The following NCKAP5 variants were observed in gnomAD, a reference collection of about 807,000 sequenced individuals.
NCKAP5 encodes the protein nck-associated protein 5.
Under a neutral mutation model 167.0 loss-of-function variants are expected in NCKAP5, and 92 were observed. The ratio of observed to expected loss-of-function variants is 0.55; its 90% CI spans 0.47 to 0.66. The LOEUF is 0.66. NCKAP5 is among the 30% of genes least tolerant of loss of function. The pLI is 0.00. For synonymous variants in NCKAP5, 891 were observed against 877.4 expected, an observed-to-expected ratio of 1.02 and a Z score of -0.27; for missense variants, 2,378 against 2,315.0, an observed-to-expected ratio of 1.03 and a Z score of -0.56.
chr2:133,625,751 G>A, the NCKAP5 span, among the ~76,000 whole-genome samples: 5 of 151,520 alleles, frequency 3.3e-5, no homozygotes, highest in African/African-American at 1.2e-4. Context: ...GGCACCTGTA[G>A]TCCCAGCTAC....
At chr2:132,889,741 C>G (rs1275428232) in intron 8 of NCKAP5, among the ~76,000 whole-genome samples, 1 of 152,162 alleles carries the variant, frequency 6.6e-6, no homozygotes. Context: ...AGGCTAGAAT[C>G]CTGGATGTAA....
intron 11 of NCKAP5, among the ~76,000 whole-genome samples, chr2:132,849,724 C>T (rs571099736): frequency 2.0e-5 from 3 of 152,282 alleles, no homozygotes; most frequent in East Asian, 3.9e-4. Context: ...TCTCAGCCTG[C>T]GTGGATCTTA....
At position 133,234,368 on chromosome 2, in the gene NCKAP5, A is replaced by C. The variant is rs138992421; in HGVS notation, c.144-20589T>G. On this transcript the variant is annotated intron_variant, in intron 4 of 19. Transcript: ENST00000409261. ...TGCGGGGCTCTTACATTTCTTTCCC[A>C]ATAAAACTCATAACCATTAAACAAA... Among the ~76,000 whole-genome samples, 837 of 152,310 alleles carry C rather than the reference A, an allele frequency of 5.5e-3. 9 individuals are homozygous for C. The highest frequency in any genetic ancestry group is 0.019 in the African/African-American group (789 of 41,560).
At chr2:133,141,262 C>T (rs1057450882) in intron 5 of NCKAP5, among the ~76,000 whole-genome samples, 3 of 152,104 alleles carry the variant, frequency 2.0e-5, no homozygotes, top group Non-Finnish European at 4.4e-5. Context: ...GATTCACTTT[C>T]GCTCAATAAC....
intron 8 of NCKAP5, among the ~76,000 whole-genome samples, chr2:132,958,486 C>A (rs2076407540): frequency 6.6e-6 from 1 of 152,192 alleles, no homozygotes; most frequent in Non-Finnish European, 1.5e-5. Flanking sequence ...TGCTTCTTCC[C>A]AGTTTAAAAT....
At chr2:132,888,324 G>A (rs1692416328) in intron 8 of NCKAP5, among the ~76,000 whole-genome samples, 1 of 152,090 alleles carries the variant, frequency 6.6e-6, no homozygotes, top group East Asian at 1.9e-4. Flanking sequence ...TTAAACCAGT[G>A]ATAACCAACT....
chr2:133,583,946 G>C, the NCKAP5 span, among the ~76,000 whole-genome samples: 2 of 152,172 alleles, frequency 1.3e-5, no homozygotes, highest in East Asian at 3.9e-4. Context: ...AGTAGAGACG[G>C]GGTTTCACCG....
At position 133,407,153 on chromosome 2, in the gene NCKAP5, A is replaced by T. The variant is rs79467869; in HGVS notation, c.70-104043T>A. On this transcript the variant is annotated intron_variant, in intron 3 of 19. Transcript: ENST00000409261. Reference sequence around the variant, plus strand: ...GTTTATCCGCCAGGTATGAAAGATGAAATGAGGGCTCCAGGAATTTCGTCT... The same window carrying T: ...GTTTATCCGCCAGGTATGAAAGATGTAATGAGGGCTCCAGGAATTTCGTCT... Among the ~76,000 whole-genome samples the T allele has an allele frequency of 6.4e-3, 981 of 152,358 alleles. 12 individuals are homozygous for T. Among genetic ancestry groups the T allele is most frequent in the African/African-American group, 0.023 (948 of 41,582 alleles).
chr2:133,244,472 C>A (rs966861579), intron 4 of NCKAP5, among the ~76,000 whole-genome samples: 8 of 152,006 alleles, frequency 5.3e-5, no homozygotes, highest in Non-Finnish European at 8.8e-5. Context: ...GCACAGTTAG[C>A]ATGAATCTTA....
At chr2:132,758,255 A>T (rs535717472) in intron 16 of NCKAP5, among the ~76,000 whole-genome samples, 80 of 152,164 alleles carry the variant, frequency 5.3e-4, no homozygotes, top group Non-Finnish European at 1.1e-3. Flanking sequence ...GAGTGTGTGG[A>T]TCATTTTCAT....
intron 6 of NCKAP5, among the ~76,000 whole-genome samples, chr2:133,070,922 T>C (rs1243566653): frequency 2.6e-5 from 4 of 152,208 alleles, no homozygotes; most frequent in Non-Finnish European, 5.9e-5. Context: ...TGTGTGAGTA[T>C]CCGATCACAG....
At chr2:133,027,944 T>G (rs534709290) in intron 6 of NCKAP5, among the ~76,000 whole-genome samples, 16 of 152,158 alleles carry the variant, frequency 1.1e-4, no homozygotes, top group Non-Finnish European at 2.1e-4. Flanking sequence ...CCTCTGAACA[T>G]GTTTTCTCAT....
chr2:133,061,675 ACCT>A (rs1364011360), intron 6 of NCKAP5, among the ~76,000 whole-genome samples: 4 of 152,166 alleles, frequency 2.6e-5, no homozygotes, highest in East Asian at 3.8e-4. Flanking sequence ...GAACTGCCAA[ACCT>A]CCTCTTTCGA....
the NCKAP5 span, among the ~76,000 whole-genome samples, chr2:133,633,462 G>A: frequency 4.6e-5 from 7 of 152,172 alleles, no homozygotes; most frequent in Non-Finnish European, 8.8e-5. Flanking sequence ...AGAGTGTCTC[G>A]GAAGAGTCAA....
chr2:133,212,257 A>G (rs76381038), intron 5 of NCKAP5, among the ~76,000 whole-genome samples: 2,672 of 152,326 alleles, frequency 0.018, 71 homozygotes, highest in African/African-American at 0.06. Flanking sequence ...GACCTAGCCC[A>G]TCAACATTTT....
rs534105887 is a variant in NCKAP5 at position 133,254,924 on chromosome 2, A to G, written c.144-41145T>C. Among the ~76,000 whole-genome samples the G allele has an allele frequency of 6.0e-4, 92 of 152,080 alleles. 1 individual carries two copies. The highest frequency in any genetic ancestry group is 2.2e-3 in the Admixed American group (34 of 15,280). On this transcript the variant is annotated intron_variant, in intron 4 of 19. Transcript: ENST00000409261. ...ATAATAAATAATGTAAATGGAAGCA[A>G]TGCAGTACAGTGAAAAAAGAGCTTT... is the stretch of plus-strand genomic sequence containing the variant.
At chr2:132,682,998 C>T (rs774062190) in intron 19 of NCKAP5, among the ~76,000 whole-genome samples, 2 of 151,746 alleles carry the variant, frequency 1.3e-5, no homozygotes, top group Non-Finnish European at 2.9e-5. Flanking sequence ...ATTCTCCTGC[C>T]TCAGTCTCCC....
Position 133,058,748 on chromosome 2 carries a change from AAGC to A in NCKAP5, c.342-64512_342-64510del, listed in dbSNP as rs1344083940. On this transcript the variant is annotated intron_variant, in intron 6 of 19. Coordinates refer to ENST00000409261, the MANE Select transcript of NCKAP5 (RefSeq NM_207363.3). ...AAATATTACATAAACTTAGTTGATA[AAGC>A]AGCAGCAGATTTTGAGAGGACTGAC... Among the ~76,000 whole-genome samples the A allele has an allele frequency of 3.3e-5, 5 of 152,350 alleles. No individual in the cohort carries two copies. The East Asian group carries it at 9.6e-4, about 29-fold the overall frequency.
chr2:132,891,024 A>G (rs1195271690), intron 8 of NCKAP5, among the ~76,000 whole-genome samples: 1 of 152,240 alleles, frequency 6.6e-6, no homozygotes, highest in Non-Finnish European at 1.5e-5. Flanking sequence ...TATAAACTAC[A>G]TTAAAATGAA....
Sources: allele counts gnomAD v4.1 joint callset (sites outside exome capture counted in the v4.1 genomes callset), GRCh38; gene constraint gnomAD v4.1.1; transcripts MANE v1.5; gene names NCBI Gene and HGNC (gene_info 2026-07-23, HGNC 2026-07-21).